Variants in PCDHAC1 observed in about 807,000 individuals in gnomAD.
The protein encoded by PCDHAC1 is protocadherin alpha subfamily C, 1.
Under a neutral mutation model 60.0 loss-of-function variants are expected in PCDHAC1, and 42 were observed. The observed-to-expected ratio is 0.70, with a 90% CI of 0.55 to 0.90. The LOEUF is 0.90. Ranked by LOEUF, PCDHAC1 falls within the 40% of genes least tolerant of loss-of-function variation. The pLI is 0.00. For synonymous variants in PCDHAC1, 468 were observed against 499.3 expected (o/e 0.94, Z 0.84); for missense variants, 1,160 against 1,222.3 (o/e 0.95, Z 0.76).
intron 1 of PCDHAC1, among the ~76,000 whole-genome samples, chr5:140,961,831 T>G (rs1447917023): frequency 6.6e-6 from 1 of 152,194 alleles, no homozygotes; most frequent in African/African-American, 2.4e-5. Flanking sequence ...TGTAAGTTAT[T>G]TCAGTGCCTT....
intron 2 of PCDHAC1, among the ~76,000 whole-genome samples, chr5:140,980,982 C>G (rs1208541065): frequency 6.6e-6 from 1 of 151,990 alleles, no homozygotes; most frequent in East Asian, 1.9e-4. Flanking sequence ...ACTGAGCCCA[C>G]ACAATTTGCT....
chr5:141,008,953 A>G (rs1554261966), intron 3 of PCDHAC1, among the ~76,000 whole-genome samples: 1 of 152,240 alleles, frequency 6.6e-6, no homozygotes, highest in African/African-American at 2.4e-5. Context: ...CAAAATAGAC[A>G]TCCTAATACA....
At chr5:140,973,354 T>A (rs937415600) in intron 1 of PCDHAC1, among the ~76,000 whole-genome samples, 4 of 152,202 alleles carry the variant, frequency 2.6e-5, no homozygotes, top group Non-Finnish European at 5.9e-5. Flanking sequence ...AGTAGTGAAT[T>A]TATAAAAATT....
chr5:140,954,842 T>C (rs1483926115), intron 1 of PCDHAC1, among the ~76,000 whole-genome samples: 1 of 152,252 alleles, frequency 6.6e-6, no homozygotes, highest in Non-Finnish European at 1.5e-5. Flanking sequence ...ATGAAATCTT[T>C]GCCTGTGCCT....
rs372392810 is a variant in PCDHAC1, at chr5:140,953,521, C to T, written c.2433+24196C>T. On this transcript the variant is annotated intron_variant, in intron 1 of 3. Coordinates refer to ENST00000253807, the MANE Select transcript of PCDHAC1 (RefSeq NM_018898.5). Reference sequence around the variant, plus strand: ...AGCTATTAGGCCAAAGCAACAAAAACGGGAAACTCACTTCATGCTGATTCT... The same window carrying T: ...AGCTATTAGGCCAAAGCAACAAAAATGGGAAACTCACTTCATGCTGATTCT... 2.0e-5 allele frequency among the ~76,000 whole-genome samples: 3 copies of T among 152,230 alleles called. No individual in the cohort carries two copies. In the East Asian group the frequency reaches 5.8e-4, roughly 29 times the overall value.
At chr5:140,958,495 C>A (rs559117374) in intron 1 of PCDHAC1, among the ~76,000 whole-genome samples, 1 of 152,020 alleles carries the variant, frequency 6.6e-6, no homozygotes, top group Non-Finnish European at 1.5e-5. Flanking sequence ...TCCACATATC[C>A]TAGGAGGCAT....
intron 1 of PCDHAC1, among the ~76,000 whole-genome samples, chr5:140,953,785 T>C (rs2094935669): frequency 6.6e-6 from 1 of 152,224 alleles, no homozygotes. Context: ...TTTATTTTTT[T>C]CTTCAACTTT....
rs185233104 is a variant in PCDHAC1, at chr5:140,979,751, C to T, written c.2492+744C>T. 6.6e-5 allele frequency among the ~76,000 whole-genome samples: 10 copies of T among 152,136 alleles called. No individual in the cohort carries two copies. The South Asian group carries it at 1.2e-3, about 19-fold the overall frequency. On this transcript the variant is annotated intron_variant, in intron 2 of 3. Coordinates refer to ENST00000253807, the MANE Select transcript of PCDHAC1 (RefSeq NM_018898.5). ...GGCCAAATAAAAGATTCATTATTTG[C>T]GAATGTCTTTGGAAACCAAATGGGA...
At chr5:140,947,550 G>T (rs967081376) in intron 1 of PCDHAC1, among the ~76,000 whole-genome samples, 1 of 151,402 alleles carries the variant, frequency 6.6e-6, no homozygotes, top group Non-Finnish European at 1.5e-5. Flanking sequence ...AAAGAATTCC[G>T]CTGGGATTTA....
chr5:140,942,679 G>C (rs549826522), intron 1 of PCDHAC1, among the ~76,000 whole-genome samples: 1 of 152,020 alleles, frequency 6.6e-6, no homozygotes, highest in African/African-American at 2.4e-5. Context: ...AAAGTTTTAG[G>C]AATAACTTTA....
intron 3 of PCDHAC1, among the ~76,000 whole-genome samples, chr5:140,997,680 G>A (rs954561672): frequency 6.6e-6 from 1 of 151,954 alleles, no homozygotes; most frequent in African/African-American, 2.4e-5. Context: ...GTGTGTGTGT[G>A]TGTGTGTGTG....
At position 140,968,680 on chromosome 5, in the gene PCDHAC1, C is replaced by T. The variant is rs546565550; in HGVS notation, c.2434-10269C>T. 10 of 1,614,154 alleles carry T rather than the reference C, an allele frequency of 6.2e-6. No homozygotes were observed. The South Asian group carries it at 6.6e-5, about 11-fold the overall frequency. ...TGGACCTCTTTAAGGTAGAGCTGCA[C>T]ACAGGAGAAATTAGGACTACCAGGA... On this transcript the variant is annotated intron_variant, in intron 1 of 3. Coordinates refer to ENST00000253807, the MANE Select transcript of PCDHAC1 (RefSeq NM_018898.5).
At chr5:140,951,448 G>A (rs892144078) in intron 1 of PCDHAC1, among the ~76,000 whole-genome samples, 74 of 152,022 alleles carry the variant, frequency 4.9e-4, no homozygotes, top group African/African-American at 1.7e-3. Context: ...GCATGATGCC[G>A]GCCATCTGCT....
At chr5:140,960,068 T>C (rs144291604) in intron 1 of PCDHAC1, among the ~76,000 whole-genome samples, 1 of 152,358 alleles carries the variant, frequency 6.6e-6, no homozygotes, top group African/African-American at 2.4e-5. Flanking sequence ...GAAGATTCAA[T>C]TGAAGTTTCT....
In PCDHAC1 at chr5:140,982,560, C is replaced by T. The variant is rs782437404; in HGVS notation, c.2578C>T (p.Pro860Ser). 6.2e-7 allele frequency: 1 copy of T among 1,614,098 alleles called. No homozygotes were observed. Among genetic ancestry groups the T allele is most frequent in the Admixed American group, 1.7e-5 (1 of 60,022 alleles). ...GTGGCCAACAGTATCCAGTGCAACA[C>T]CAGGTAAAGAGCTGGGGTCTCTCCA... ...QQWPTVSSAT[P>S]EPEAGEVSPP... The change falls in exon 3 of 4, where the codon CCA (proline) becomes TCA (serine). Residue 860 changes from proline (P) to serine (S), a missense_variant. Coordinates refer to ENST00000253807, the MANE Select transcript of PCDHAC1 (RefSeq NM_018898.5).
chr5:140,968,896 A>G (rs2096277975), intron 1 of PCDHAC1: 1 of 1,614,240 alleles, frequency 6.2e-7, no homozygotes, highest in Non-Finnish European at 8.5e-7. Context: ...ATCTAATAAT[A>G]GCATTAAGCA....
intron 1 of PCDHAC1, chr5:140,966,279 G>C (rs1429727504): frequency 3.3e-5 from 12 of 364,508 alleles, no homozygotes; most frequent in Non-Finnish European, 4.9e-5. Context: ...ACTGGACAGT[G>C]GGGGTAGGGA....
chr5:140,933,715 G>C (rs1292658358), intron 1 of PCDHAC1, among the ~76,000 whole-genome samples: 1 of 151,902 alleles, frequency 6.6e-6, no homozygotes, highest in Non-Finnish European at 1.5e-5. Flanking sequence ...ACTGAGATTG[G>C]TGATACAGCT....
At chr5:140,931,507 T>C (rs564431042) in intron 1 of PCDHAC1, among the ~76,000 whole-genome samples, 1 of 152,016 alleles carries the variant, frequency 6.6e-6, no homozygotes, top group African/African-American at 2.4e-5. Flanking sequence ...TTTAAACATA[T>C]ATGAATGATT....
Sources: allele counts gnomAD v4.1 joint callset (sites outside exome capture counted in the v4.1 genomes callset), GRCh38; gene constraint gnomAD v4.1.1; transcripts MANE v1.5; gene names NCBI Gene and HGNC (gene_info 2026-07-23, HGNC 2026-07-21).